TTC7A: variants seen among roughly 807,000 people sequenced by gnomAD.
The protein encoded by TTC7A is tetratricopeptide repeat protein 7A.
Under a neutral mutation model 103.7 loss-of-function variants are expected in TTC7A, and 110 were observed. That is an observed-to-expected ratio of 1.06 (90% CI 0.91 to 1.24). The LOEUF (loss-of-function observed/expected upper bound fraction) is 1.24. Ranked by LOEUF, TTC7A falls within the 50% of genes most tolerant of loss-of-function variation. The pLI is 0.00. For synonymous variants in TTC7A, 521 were observed against 467.9 expected, an observed-to-expected ratio of 1.11 and a Z score of -1.47; for missense variants, 1,340 against 1,116.3, an observed-to-expected ratio of 1.20 and a Z score of -2.86.
At chr2:47,040,988 T>C (rs1382561787) in intron 15 of TTC7A, among the ~76,000 whole-genome samples, 2 of 152,302 alleles carry the variant, frequency 1.3e-5, no homozygotes, top group East Asian at 1.9e-4. Context: ...TGAAAGCTGC[T>C]GGATTTCGGT....
chr2:46,921,833 C>T (rs767809126), intron 2 of TTC7A, among the ~76,000 whole-genome samples: 1 of 152,140 alleles, frequency 6.6e-6, no homozygotes, highest in African/African-American at 2.4e-5. Flanking sequence ...CAGTAGGGTT[C>T]GCGTTCCTGT....
chr2:47,001,990 G>A (rs1676870325), intron 8 of TTC7A, among the ~76,000 whole-genome samples: 1 of 152,170 alleles, frequency 6.6e-6, no homozygotes, highest in South Asian at 2.1e-4. Context: ...TCCCATGTTT[G>A]CTTCATGGAT....
At chr2:47,039,287 G>C (rs115574260) in intron 15 of TTC7A, among the ~76,000 whole-genome samples, 110 of 152,340 alleles carry the variant, frequency 7.2e-4, no homozygotes, top group African/African-American at 2.6e-3. Context: ...ACTACAGGGA[G>C]CTGCTTTCAG....
At chr2:47,030,414 A>AG (rs939196492) in intron 15 of TTC7A, among the ~76,000 whole-genome samples, 18 of 152,198 alleles carry the variant, frequency 1.2e-4, no homozygotes, top group Non-Finnish European at 1.9e-4. Flanking sequence ...GGGTGGGTTC[A>AG]GGTTTTCCTG....
rs757337807 is a variant in TTC7A at position 46,978,831 on chromosome 2, C to G, written c.688C>G (p.His230Asp). ...NSTSRHLKGC[H>D]PLDYELTYFL... is the part of the protein sequence containing the mutation. ...CACGTCGAGGCATCTGAAAGGCTGT[C>G]ACCCGCTTGACTATGAGCTCACCTA... The change falls in exon 5 of 20, where the codon CAC becomes GAC. Residue 230 changes from histidine to aspartate, a missense_variant. By Grantham distance (81) the His-to-Asp change is moderately conservative (BLOSUM62 -1). Transcript: ENST00000319190. 9.9e-6 allele frequency: 16 copies of G among 1,614,110 alleles called. No homozygotes were observed. The highest frequency in any genetic ancestry group is 1.4e-5 in the Non-Finnish European group (16 of 1,180,002).
chr2:47,019,374 T>A (rs575775634), intron 11 of TTC7A, among the ~76,000 whole-genome samples: 306 of 150,134 alleles, frequency 2.0e-3, no homozygotes, highest in Middle Eastern at 0.01. Context: ...TTTCTATTTT[T>A]AAAAAAAAAA....
At chr2:46,959,278 G>A (rs1489211365) in intron 3 of TTC7A, among the ~76,000 whole-genome samples, 2 of 152,188 alleles carry the variant, frequency 1.3e-5, no homozygotes, top group Admixed American at 6.5e-5. Context: ...GCAGCCCCTC[G>A]GTCTTGGGCT....
intron 1 of TTC7A, among the ~76,000 whole-genome samples, chr2:46,944,379 T>TTTGTTTG (rs1186613329): frequency 3.4e-5 from 5 of 145,364 alleles, no homozygotes; most frequent in African/African-American, 1.3e-4. Context: ...TTTGGGTTTT[T>TTTGTTTG]TTTTTTTTTT....
At chr2:46,990,535 G>A in intron 5 of TTC7A, among the ~76,000 whole-genome samples, 1 of 152,196 alleles carries the variant, frequency 6.6e-6, no homozygotes, top group East Asian at 1.9e-4. Context: ...TTTAACATAA[G>A]TCAGAACATA....
At chr2:46,983,311 CG>C (rs2104305693) in intron 5 of TTC7A, among the ~76,000 whole-genome samples, 1 of 152,314 alleles carries the variant, frequency 6.6e-6, no homozygotes, top group South Asian at 2.1e-4. Flanking sequence ...ACAGCTGCCT[CG>C]CTCCACCTCC....
chr2:46,939,471 T>A (rs1473440486), upstream of TTC7A, among the ~76,000 whole-genome samples: 1 of 152,192 alleles, frequency 6.6e-6, no homozygotes, highest in East Asian at 1.9e-4. Context: ...TGAAGACTGT[T>A]CCTCCCCACA....
At chr2:46,956,780 G>A (rs1305569787) in intron 2 of TTC7A, 59 bp from the exon 3 acceptor site, 6 of 1,594,336 alleles carry the variant, frequency 3.8e-6, no homozygotes, top group East Asian at 4.5e-5. Context: ...GTTCAGTGGG[G>A]GTGTTCACCC....
chr2:47,044,837 A>G (rs1682138675), intron 15 of TTC7A, among the ~76,000 whole-genome samples: 1 of 152,360 alleles, frequency 6.6e-6, no homozygotes, highest in South Asian at 2.1e-4. Context: ...AAAGTATGGA[A>G]AGATGGGCAG....
At chr2:47,046,284 G>C (rs369389346) in intron 15 of TTC7A, 31 bp from the exon 16 acceptor site, 7 of 1,572,316 alleles carry the variant, frequency 4.5e-6, no homozygotes, top group Admixed American at 1.7e-5. Context: ...CCTTGCTGGG[G>C]TGTGCTGATG....
chr2:46,975,565 C>G (rs372670696), intron 4 of TTC7A, among the ~76,000 whole-genome samples: 1 of 151,764 alleles, frequency 6.6e-6, no homozygotes, highest in African/African-American at 2.4e-5. Context: ...TTTCAGATCC[C>G]CCTCCCTCCC....
At chr2:47,016,268 A>G (rs1480107772) in intron 11 of TTC7A, among the ~76,000 whole-genome samples, 1 of 152,242 alleles carries the variant, frequency 6.6e-6, no homozygotes, top group African/African-American at 2.4e-5. Flanking sequence ...ATCCTTTTCC[A>G]AAGGGTCAGA....
At chr2:47,013,295 C>G (rs1009841616) in intron 11 of TTC7A, among the ~76,000 whole-genome samples, 1 of 152,188 alleles carries the variant, frequency 6.6e-6, no homozygotes, top group Admixed American at 6.5e-5. Flanking sequence ...TTGGGGAAGA[C>G]AGTTGGCACC....
Position 47,038,458 on chromosome 2 carries a change from G to A in TTC7A, c.1803-7857G>A, listed in dbSNP as rs905932334. ...CCAAGGAATTAGACTTTCCAGAGGCGTGGCCACCTGACTCAGAGAATAGCC... is the reference window on the plus strand; with the variant it reads ...CCAAGGAATTAGACTTTCCAGAGGCATGGCCACCTGACTCAGAGAATAGCC... On this transcript the variant is annotated intron_variant, in intron 15 of 19. Coordinates refer to ENST00000319190, the MANE Select transcript of TTC7A (RefSeq NM_020458.4). Among the ~76,000 whole-genome samples the A allele has an allele frequency of 5.3e-5, 8 of 152,136 alleles. No individual in the cohort carries two copies. The East Asian group carries it at 5.8e-4, about 11-fold the overall frequency.
intron 19 of TTC7A, among the ~76,000 whole-genome samples, chr2:47,071,753 C>G (rs1573107371): frequency 6.6e-6 from 1 of 152,238 alleles, no homozygotes; most frequent in East Asian, 1.9e-4. Flanking sequence ...CACACACACA[C>G]CAGCCTGCAG....
Sources: gnomAD v4.1 joint callset for allele counts (sites outside exome capture counted in the v4.1 genomes callset) on GRCh38, gnomAD v4.1.1 for gene constraint, MANE v1.5 for transcripts, NCBI Gene and HGNC (gene_info 2026-07-23, HGNC 2026-07-21) for gene names.